Variants in ATP5MK observed in about 807,000 individuals in gnomAD.
ATP5MK encodes the protein ATP synthase membrane subunit k.
ATP5MK carries 5 observed loss-of-function variants against 6.6 expected under a neutral mutation model. The observed-to-expected ratio is 0.76, with a 90% confidence interval of 0.40 to 1.60. The LOEUF is 1.60. Among genes scored for constraint, ATP5MK ranks in the 40% most tolerant of loss-of-function variants. The pLI is 0.02. For synonymous variants in ATP5MK, 30 were observed against 24.5 expected, an observed-to-expected ratio of 1.22 and a Z score of -0.66; for missense variants, 57 against 66.6, an observed-to-expected ratio of 0.86 and a Z score of 0.50.
chr10:103,392,099 A>C, intron 4 of ATP5MK, 92 bp downstream of exon 4: 6 of 1,253,546 alleles, frequency 4.8e-6, no homozygotes, highest in Non-Finnish European at 6.6e-6. Flanking sequence ...AATTTTGCAA[A>C]ATGACAATGG....
rs375465659 is a variant in ATP5MK at position 103,392,431 on chromosome 10, T to C, written c.27A>G (p.Gln9=). 3.9e-5 allele frequency: 63 copies of C among 1,606,304 alleles called. No homozygotes were observed. The highest frequency in any genetic ancestry group is 5.2e-5 in the Non-Finnish European group (61 of 1,177,894). ...ATTTTTTAATACCAGTGAACTGGTA[T>C]TGCGCATCACTTTCTGGACCTGCCA... is the stretch of plus-strand genomic sequence containing the variant. MAGPESDA[Q]YQFTGIKKYF... The change falls in exon 3 of 5, where the codon CAA becomes CAG. Residue 9 remains glutamine, a synonymous_variant. Transcript: ENST00000369815.
chr10:103,393,775 T>C (rs952682242), intron 2 of ATP5MK, among the ~76,000 whole-genome samples: 5 of 152,142 alleles, frequency 3.3e-5, no homozygotes, highest in East Asian at 3.8e-4. Context: ...GTCAATGAAA[T>C]ACTGTTTATG....
rs1233433147 is a variant in ATP5MK at position 103,396,032 on chromosome 10, G to T, written c.-296C>A. On this transcript the variant is annotated splice_region_variant and 5_prime_UTR_variant, in exon 2 of 5. It adds an upstream start codon to the 5' untranslated region. Coordinates refer to ENST00000369815, the MANE Select transcript of ATP5MK (RefSeq NM_001206427.2). ...AAGCACAGCTCGGTGGGAACAAACA[G>T]CTATGGACATACAGAAGAAAAGAGG... 1 of 152,274 alleles carries T rather than the reference G, an allele frequency of 6.6e-6. No individual in the cohort carries two copies. The highest frequency in any genetic ancestry group is 6.5e-5 in the Admixed American group (1 of 15,282). 9.4% of individuals were successfully genotyped at this position (152,274 alleles called of 1,614,324 possible).
At chr10:103,389,458 GATTACAGGC>G (rs2093407156) in intron 4 of ATP5MK, among the ~76,000 whole-genome samples, 1 of 152,078 alleles carries the variant, frequency 6.6e-6, no homozygotes, top group Admixed American at 6.5e-5. Context: ...AAGTAGCTGG[GATTACAGGC>G]ATGTGCCACC....
chr10:103,395,359 G>A (rs941774135), intron 2 of ATP5MK, among the ~76,000 whole-genome samples: 1 of 152,152 alleles, frequency 6.6e-6, no homozygotes, highest in Non-Finnish European at 1.5e-5. Context: ...GTGCAGTGGC[G>A]CGATCTCAGC....
In ATP5MK at chr10:103,392,407, T is replaced by C. The variant is rs748941268; in HGVS notation, c.51A>G (p.Lys17=). The change falls in exon 3 of 5, where the codon AAA becomes AAG. Residue 17 remains lysine, a synonymous_variant. Coordinates refer to ENST00000369815, the MANE Select transcript of ATP5MK (RefSeq NM_001206427.2). The part of the protein sequence containing the change: ...DAQYQFTGIK[K]YFNSYTLTGR... ...CTGTGAGAGTATAAGAGTTGAAATA[T>C]TTTTTAATACCAGTGAACTGGTATT... is the stretch of plus-strand genomic sequence containing the variant. 1.2e-6 allele frequency: 2 copies of C among 1,608,268 alleles called. No homozygotes were observed. Among genetic ancestry groups the C allele is most frequent in the South Asian group, 1.1e-5 (1 of 89,088 alleles).
intron 2 of ATP5MK, among the ~76,000 whole-genome samples, chr10:103,393,562 A>G (rs1364025824): frequency 6.6e-6 from 1 of 151,638 alleles, no homozygotes; most frequent in East Asian, 1.9e-4. Context: ...CCTGGGCGAC[A>G]GAGCGAGACG....
At chr10:103,391,144 A>G (rs1004091058) in intron 4 of ATP5MK, among the ~76,000 whole-genome samples, 5 of 152,220 alleles carry the variant, frequency 3.3e-5, no homozygotes, top group Admixed American at 1.3e-4. Context: ...AAAGCAAAAA[A>G]CACAATTTTT....
rs1209501336 is a variant in ATP5MK, at chr10:103,392,282, C to T, written c.89G>A (p.Cys30Tyr). The T allele has an allele frequency of 6.2e-7, 1 of 1,607,256 alleles. No homozygotes were observed. Among genetic ancestry groups the T allele is most frequent in the South Asian group, 1.1e-5 (1 of 88,820 alleles). ...NSYTLTGRMN[C>Y]VLATYGSIAL... ...AATGCTTCCATATGTGGCCAGTACA[C>T]ACTGAGAAAGAAAGAAAAAAGTAAA... Residue 30 changes from cysteine to tyrosine, a missense_variant and splice_region_variant, in exon 4 of 5, where the codon TGT (cysteine) becomes TAT (tyrosine). Transcript: ENST00000369815.
intron 4 of ATP5MK, among the ~76,000 whole-genome samples, chr10:103,390,472 C>G (rs1202065867): frequency 6.6e-6 from 1 of 151,786 alleles, no homozygotes; most frequent in Non-Finnish European, 1.5e-5. Flanking sequence ...CCAGCCTGGG[C>G]AACAGAGCTA....
chr10:103,391,122 C>T (rs1160051564), intron 4 of ATP5MK, among the ~76,000 whole-genome samples: 5 of 152,054 alleles, frequency 3.3e-5, no homozygotes, highest in African/African-American at 1.2e-4. Context: ...CACAGAAAAA[C>T]ATGCCCTTCA....
At position 103,392,303 on chromosome 10, in the gene ATP5MK, G is replaced by A. The variant is rs2093416898; in HGVS notation, c.88-20C>T. ...TACACACTGAGAAAGAAAGAAAAAA[G>A]TAAACAAGACTTGTTGTTCCATCTA... On this transcript the variant is annotated intron_variant, in intron 3 of 4. Coordinates refer to ENST00000369815, the MANE Select transcript of ATP5MK (RefSeq NM_001206427.2). The A allele has an allele frequency of 6.2e-7, 1 of 1,601,854 alleles. No individual in the cohort carries two copies. The highest frequency in any genetic ancestry group is 1.4e-5 in the African/African-American group (1 of 74,070).
chr10:103,389,998 C>T (rs1200204203), intron 4 of ATP5MK, among the ~76,000 whole-genome samples: 2 of 152,126 alleles, frequency 1.3e-5, no homozygotes, highest in Non-Finnish European at 2.9e-5. Context: ...TCCCAAAGTG[C>T]TGGGATTACA....
chr10:103,394,535 A>G, intron 2 of ATP5MK: 1 of 338,830 alleles, frequency 3.0e-6, no homozygotes, highest in Non-Finnish European at 6.2e-6. Context: ...TTAATTTTCA[A>G]GTTTCAAGAA....
At chr10:103,394,744 C>T (rs966507917) in intron 2 of ATP5MK, among the ~76,000 whole-genome samples, 4 of 119,280 alleles carry the variant, frequency 3.4e-5, no homozygotes, top group African/African-American at 1.3e-4. Flanking sequence ...ATACTTCCCC[C>T]CGCCCCCCGC....
At chr10:103,394,689 T>A (rs559183889) in intron 2 of ATP5MK, among the ~76,000 whole-genome samples, 3 of 151,958 alleles carry the variant, frequency 2.0e-5, no homozygotes, top group East Asian at 1.9e-4. Flanking sequence ...AGCAACTTTA[T>A]AATGTAGCTA....
At chr10:103,394,161 GGAA>G (rs1411272476) in intron 2 of ATP5MK, 2 of 360,332 alleles carry the variant, frequency 5.6e-6, no homozygotes, top group Non-Finnish European at 1.2e-5. Context: ...AAAAAACTCT[GGAA>G]GAATATATAG....
chr10:103,390,834 T>C (rs541813338), intron 4 of ATP5MK, among the ~76,000 whole-genome samples: 1 of 150,796 alleles, frequency 6.6e-6, no homozygotes, highest in East Asian at 1.9e-4. Flanking sequence ...CAGATGAAGA[T>C]CTGGCATTTG....
chr10:103,391,998 T>C (rs2093415933), intron 4 of ATP5MK, among the ~76,000 whole-genome samples, 193 bp downstream of exon 4: 1 of 152,118 alleles, frequency 6.6e-6, no homozygotes, highest in Admixed American at 6.6e-5. Context: ...TGGGCTCAAG[T>C]CATCTGCCCG....
Sources: gnomAD v4.1 joint callset for allele counts (sites outside exome capture counted in the v4.1 genomes callset) on GRCh38, gnomAD v4.1.1 for gene constraint, MANE v1.5 for transcripts, NCBI Gene and HGNC (gene_info 2026-07-23, HGNC 2026-07-21) for gene names.